The following CDKN1A variants were observed in gnomAD, a reference collection of about 807,000 sequenced individuals.
CDKN1A encodes cyclin dependent kinase inhibitor 1A, also known as cyclin-dependent kinase inhibitor 1.
CDKN1A carries 14 observed loss-of-function variants against 14.8 expected under a neutral mutation model. The observed-to-expected ratio is 0.94, with a 90% CI of 0.62 to 1.48. CDKN1A has a LOEUF of 1.48. Among genes scored for constraint, CDKN1A ranks in the 40% most tolerant of loss-of-function variants. The pLI is 0.00. For missense variants in CDKN1A, 203 were observed against 231.7 expected (o/e 0.88, Z 0.80); for synonymous variants, 92 against 93.5 (o/e 0.98, Z 0.09).
intron 2 of CDKN1A, 64 bp from the exon 3 acceptor site, chr6:36,685,687 A>C (rs965385710): frequency 3.3e-5 from 51 of 1,553,408 alleles, no homozygotes; most frequent in Non-Finnish European, 4.1e-5. Flanking sequence ...TGTCTTCCTC[A>C]GTTGGGCAGC....
Position 36,678,733 on chromosome 6 carries a change from AAG to A in CDKN1A, c.-70_-69del, listed in dbSNP as rs1761781001. The A allele has an allele frequency of 1.0e-6, 1 of 985,472 alleles. No homozygotes were observed. The highest frequency in any genetic ancestry group is 1.7e-5 in the African/African-American group (1 of 57,318). The allele number at this position is 985,472 out of a possible 1,614,324, so 61.0% of individuals were successfully genotyped here. On this transcript the variant is annotated 5_prime_UTR_variant, in exon 1 of 3. Coordinates refer to ENST00000244741, the MANE Select transcript of CDKN1A (RefSeq NM_000389.5). The surrounding 1 kb of genome is among the most constrained non-coding windows in gnomAD (Gnocchi z 5.7). ...CCAGCTGAGGTGTGAGCAGCTGCCGAAGTCAGTTCCTTGTGGAGCCGGAGCTG... is the reference window on the plus strand; with the variant it reads ...CCAGCTGAGGTGTGAGCAGCTGCCGATCAGTTCCTTGTGGAGCCGGAGCTG...
intron 1 of CDKN1A, among the ~76,000 whole-genome samples, chr6:36,681,280 T>TCTC (rs1554185351): frequency 8.9e-6 from 1 of 112,790 alleles, no homozygotes; most frequent in African/African-American, 3.5e-5. Context: ...TTCTTTCTTT[T>TCTC]TTTCTTTCTT....
rs1446722024 is a variant in CDKN1A at position 36,687,260 on chromosome 6, T to G, written c.*1460T>G. 2.1e-5 allele frequency: 5 copies of G among 233,002 alleles called. No homozygotes were observed. The East Asian group carries it at 3.0e-4, about 14-fold the overall frequency. 14.4% of individuals were successfully genotyped at this position (233,002 alleles called of 1,614,324 possible). A position where few individuals can be genotyped will look rare whatever the true frequency, so the allele number is the denominator to read the frequency against. Reference sequence around the variant, plus strand: ...GCAGGGACCACACCCTGTACTGTTCTGTGTCTTTCACAGCTCCTCCCACAA... The same window carrying G: ...GCAGGGACCACACCCTGTACTGTTCGGTGTCTTTCACAGCTCCTCCCACAA... On this transcript the variant is annotated 3_prime_UTR_variant, in exon 3 of 3. Transcript: ENST00000244741.
At chr6:36,685,365 G>A (rs1208010752) in intron 2 of CDKN1A, among the ~76,000 whole-genome samples, 1 of 152,180 alleles carries the variant, frequency 6.6e-6, no homozygotes, top group East Asian at 1.9e-4. Flanking sequence ...TCCGGTACAG[G>A]GGCCACGAGC....
upstream of CDKN1A, chr6:36,677,848 A>G: frequency 7.3e-7 from 1 of 1,365,792 alleles, no homozygotes. Context: ...TGTGGGGAGT[A>G]TTCAGGAGAC....
At chr6:36,678,016 T>C (rs1761751737), upstream of CDKN1A, 2 of 563,510 alleles carry the variant, frequency 3.5e-6, no homozygotes, top group Non-Finnish European at 6.2e-6. The surrounding 1 kb of genome is among the most constrained non-coding windows in gnomAD (Gnocchi z 5.7). Flanking sequence ...TTTGGTAGTC[T>C]CTCCAATTCC....
Position 36,684,802 on chromosome 6 carries a change from T to C in CDKN1A, c.445+256T>C, listed in dbSNP as rs1360923607. On this transcript the variant is annotated intron_variant, in intron 2 of 2. Transcript: ENST00000244741. This position sits in a 1 kb window ranked among gnomAD's most constrained non-coding sequence, Gnocchi z 6.0. ...TAGATTTATTTAGTCCTTATAGCAATGTTATAACATAAGACATTCTTGTCA... is the reference window on the plus strand; with the variant it reads ...TAGATTTATTTAGTCCTTATAGCAACGTTATAACATAAGACATTCTTGTCA... Among the ~76,000 whole-genome samples, 4 of 152,204 alleles carry C rather than the reference T, an allele frequency of 2.6e-5. No individual in the cohort carries two copies. Among genetic ancestry groups the C allele is most frequent in the African/African-American group, 9.6e-5 (4 of 41,454 alleles).
At position 36,684,632 on chromosome 6, in the gene CDKN1A, C is replaced by G; in HGVS notation, c.445+86C>G. ...AAGGGCTGACCTGTCTGGTCCTGGT[C>G]CAGCATGCTCCAGGTAGAAGGAAAC... On this transcript the variant is annotated intron_variant, in intron 2 of 2. Coordinates refer to ENST00000244741, the MANE Select transcript of CDKN1A (RefSeq NM_000389.5). The surrounding 1 kb of genome is among the most constrained non-coding windows in gnomAD (Gnocchi z 6.0). The G allele has an allele frequency of 2.3e-6, 3 of 1,295,230 alleles. No individual in the cohort carries two copies. The highest frequency in any genetic ancestry group is 3.3e-6 in the Non-Finnish European group (3 of 908,194). 80.2% of individuals were successfully genotyped at this position (1,295,230 alleles called of 1,614,324 possible).
upstream of CDKN1A, chr6:36,677,809 CCA>C (rs1761743051): frequency 8.2e-7 from 1 of 1,215,524 alleles, no homozygotes; most frequent in Middle Eastern, 2.1e-4. Context: ...TCTCTGAGCC[CCA>C]GTTTCCCCAG....
upstream of CDKN1A, among the ~76,000 whole-genome samples, chr6:36,676,979 T>A (rs961920777): frequency 1.4e-5 from 2 of 145,058 alleles, no homozygotes; most frequent in African/African-American, 2.8e-5. Flanking sequence ...TTAAAAAAAA[T>A]TTTCTCCCCA....
rs758294386 is a variant in CDKN1A, at chr6:36,684,493, C to T, written c.392C>T (p.Pro131Leu). Residue 131 changes from proline (P) to leucine (L), a missense_variant, in exon 2 of 3, where the codon CCA becomes CTA. Transcript: ENST00000244741. This position sits in a 1 kb window ranked among gnomAD's most constrained non-coding sequence, Gnocchi z 6.0. ...PRSGEQAEGS[P>L]GGPGDSQGRK... ...TCAGGGGAGCAGGCTGAAGGGTCCC[C>T]AGGTGGACCTGGAGACTCTCAGGGT... 1.2e-6 allele frequency: 2 copies of T among 1,614,216 alleles called. No individual in the cohort carries two copies. The highest frequency in any genetic ancestry group is 2.2e-5 in the South Asian group (2 of 91,084).
At chr6:36,681,264 TTTTCTTTCTTTCTTTTTTTC>T (rs1407754843) in intron 1 of CDKN1A, among the ~76,000 whole-genome samples, 11 of 81,798 alleles carry the variant, frequency 1.3e-4, no homozygotes, top group Non-Finnish European at 2.1e-4. Context: ...CCCTAGGTGC[TTTTCTTTCTTTCTTTTTTTC>T]TTTCTTTCTT....
rs1047001332 is a variant in CDKN1A at position 36,686,424 on chromosome 6, T to C, written c.*624T>C. ...CTGGCTCTTGATACCCCCCTCTGTC[T>C]TGTGAAGGCAGGGGGAAGGTGGGGT... On this transcript the variant is annotated 3_prime_UTR_variant, in exon 3 of 3. Transcript: ENST00000244741. This position sits in a 1 kb window ranked among gnomAD's most constrained non-coding sequence, Gnocchi z 4.9. 4.2e-5 allele frequency: 10 copies of C among 240,418 alleles called. No individual in the cohort carries two copies. Among genetic ancestry groups the C allele is most frequent in the African/African-American group, 2.0e-4 (9 of 45,378 alleles). The allele number at this position is 240,418 out of a possible 1,614,324, so 14.9% of individuals were successfully genotyped here.
At chr6:36,685,668 G>A in intron 2 of CDKN1A, 83 bp from the exon 3 acceptor site, 1 of 1,416,406 alleles carries the variant, frequency 7.1e-7, no homozygotes, top group Non-Finnish European at 1.0e-6. Flanking sequence ...GGGTGTCCTG[G>A]CCCCCCACTG....
upstream of CDKN1A, among the ~76,000 whole-genome samples, chr6:36,676,874 A>T (rs1761710271): frequency 6.6e-6 from 1 of 152,042 alleles, no homozygotes; most frequent in Non-Finnish European, 1.5e-5. Flanking sequence ...TAGAAGTTAT[A>T]AAAAAAATTC....
At chr6:36,681,264 T>TTTTCTTTCTCTCTTTC (rs1554185328) in intron 1 of CDKN1A, among the ~76,000 whole-genome samples, 2 of 81,800 alleles carry the variant, frequency 2.4e-5, no homozygotes, top group East Asian at 5.7e-4. Flanking sequence ...CCCTAGGTGC[T>TTTTCTTTCTCTCTTTC]TTTCTTTCTT....
chr6:36,687,297 C>T lies in CDKN1A; in HGVS notation c.*1497C>T, dbSNP rs1762243662. The T allele has an allele frequency of 8.6e-6, 2 of 232,598 alleles. No homozygotes were observed. The highest frequency in any genetic ancestry group is 1.1e-4 in the Admixed American group (2 of 17,756). 14.4% of individuals were successfully genotyped at this position (232,598 alleles called of 1,614,324 possible). ...AGCTCCTCCCACAATGCTGAATATA[C>T]AGCAGGTGCTCAATAAATGATTCTT... On this transcript the variant is annotated 3_prime_UTR_variant, in exon 3 of 3. Coordinates refer to ENST00000244741, the MANE Select transcript of CDKN1A (RefSeq NM_000389.5).
At chr6:36,681,284 C>CTTTCTT (rs1562038017) in intron 1 of CDKN1A, among the ~76,000 whole-genome samples, 1 of 104,110 alleles carries the variant, frequency 9.6e-6, no homozygotes, top group Non-Finnish European at 2.1e-5. Context: ...TTCTTTTTTT[C>CTTTCTT]TTTCTTTCTT....
chr6:36,680,340 G>GTGTGTGTCTGTGTC (rs1310329037), intron 1 of CDKN1A: 1 of 148,126 alleles, frequency 6.8e-6, no homozygotes, highest in African/African-American at 2.5e-5. Context: ...GTGTGTGTGT[G>GTGTGTGTCTGTGTC]TGTGTCTGTG....
Sources: gnomAD v4.1 joint callset for allele counts (sites outside exome capture counted in the v4.1 genomes callset) on GRCh38, gnomAD v4.1.1 for gene constraint, Gnocchi (gnomAD v3.1) non-coding constraint, MANE v1.5 for transcripts, NCBI Gene and HGNC (gene_info 2026-07-23, HGNC 2026-07-21) for gene names.